Variants in ARHGAP36 observed in about 807,000 individuals in gnomAD.
ARHGAP36 encodes Rho GTPase activating protein 36, also known as rho GTPase-activating protein 36.
Under a neutral mutation model 32.9 loss-of-function variants are expected in ARHGAP36, and 7 were observed. The ratio of observed to expected loss-of-function variants is 0.21; its 90% CI spans 0.12 to 0.40. ARHGAP36 has a LOEUF of 0.40. ARHGAP36 is among the 10% of genes least tolerant of loss of function. ARHGAP36 has a pLI of 1.00. For synonymous variants in ARHGAP36, 165 were observed against 168.3 expected, an observed-to-expected ratio of 0.98 and a Z score of 0.15; for missense variants, 383 against 442.2, an observed-to-expected ratio of 0.87 and a Z score of 1.20.
chrX:131,059,078 C>T (rs1005015054), intron 1 of ARHGAP36, among the ~76,000 whole-genome samples: 1 of 111,702 alleles, frequency 9.0e-6, no homozygotes, highest in African/African-American at 3.3e-5. Flanking sequence ...GGTCTTTAGT[C>T]GGGTTCTTTC....
chrX:131,084,141 A>G, intron 4 of ARHGAP36, 74 bp from the exon 5 acceptor site: 1 of 1,074,130 alleles, frequency 9.3e-7, no homozygotes, highest in Non-Finnish European at 1.3e-6. Context: ...TGAATGTCAT[A>G]CATACAGTAC....
chrX:131,089,062 T>TTC lies in ARHGAP36; in HGVS notation c.*289_*290dup, dbSNP rs1225981171. On this transcript the variant is annotated 3_prime_UTR_variant, in exon 12 of 12. Transcript: ENST00000276211. ...TTCTCTTTTACCCCTGATCTTGGCT[T>TTC]TCTCTCTCTCTCTGCAGACTTTCCT... The TTC allele has an allele frequency of 7.3e-5, 20 of 273,516 alleles. No homozygotes were observed. Among genetic ancestry groups the TTC allele is most frequent in the Non-Finnish European group, 8.3e-5 (13 of 157,065 alleles). 22.5% of individuals were successfully genotyped at this position (273,516 alleles called of 1,213,427 possible).
intron 1 of ARHGAP36, among the ~76,000 whole-genome samples, chrX:131,065,157 G>T (rs1409404037): frequency 9.0e-6 from 1 of 110,797 alleles, no homozygotes; most frequent in East Asian, 2.8e-4. Context: ...ATGGGTGGGG[G>T]GCATTAGAGA....
At position 131,088,982 on chromosome X, in the gene ARHGAP36, G is replaced by T; in HGVS notation, c.*197G>T. The T allele has an allele frequency of 5.7e-6, 3 of 528,653 alleles. No individual in the cohort carries two copies. Among genetic ancestry groups the T allele is most frequent in the Non-Finnish European group, 5.6e-6 (2 of 355,849 alleles). The allele number at this position is 528,653 out of a possible 1,213,427, so 43.6% of individuals were successfully genotyped here. The stretch of plus-strand genomic sequence containing the variant: ...TGGGGATGCTTGGTCTCTTCTGCTG[G>T]TAAAAGCAGAGATGTTTCTGTGTCA... On this transcript the variant is annotated 3_prime_UTR_variant, in exon 12 of 12. Transcript: ENST00000276211.
At chrX:131,084,175 C>T (rs1476392401) in intron 4 of ARHGAP36, 40 bp from the exon 5 acceptor site, 3 of 1,157,840 alleles carry the variant, frequency 2.6e-6, no homozygotes, top group Non-Finnish European at 1.2e-6. Context: ...AATTGACTCT[C>T]TTTATTTCCC....
At chrX:131,080,026 C>T (rs142782612) in intron 1 of ARHGAP36, among the ~76,000 whole-genome samples, 404 of 111,691 alleles carry the variant, frequency 3.6e-3, no homozygotes, top group African/African-American at 0.013. Flanking sequence ...TTTTTCATGG[C>T]TTTCTGTGAT....
chrX:131,070,602 C>T (rs1002487866), intron 1 of ARHGAP36, among the ~76,000 whole-genome samples: 2 of 111,640 alleles, frequency 1.8e-5, no homozygotes, highest in Non-Finnish European at 3.8e-5. Context: ...ATTTTCCCCT[C>T]TCTGGGCTTC....
intron 1 of ARHGAP36, among the ~76,000 whole-genome samples, chrX:131,063,574 TGAA>T (rs914329284): frequency 9.9e-5 from 11 of 111,174 alleles, no homozygotes; most frequent in African/African-American, 3.6e-4. Context: ...ATAGAAGGGA[TGAA>T]GGAGAGGGAG....
intron 1 of ARHGAP36, among the ~76,000 whole-genome samples, chrX:131,074,824 G>A (rs2079752813): frequency 9.0e-6 from 1 of 111,575 alleles, no homozygotes; most frequent in Admixed American, 9.5e-5. Flanking sequence ...CTTCCATACT[G>A]TGCCAAGGAA....
intron 11 of ARHGAP36, 113 bp from the exon 12 acceptor site, chrX:131,088,515 C>T: frequency 1.4e-6 from 1 of 730,573 alleles, no homozygotes; most frequent in Non-Finnish European, 2.0e-6. Flanking sequence ...CCCTGTCCTA[C>T]CTTCTTGCCT....
At chrX:131,061,199 AT>A (rs67823962) in intron 1 of ARHGAP36, among the ~76,000 whole-genome samples, 3,289 of 102,166 alleles carry the variant, frequency 0.032, 69 homozygotes, top group Admixed American at 0.094. Context: ...GATGTTTGCT[AT>A]TTTTTTTTTT....
intron 1 of ARHGAP36, among the ~76,000 whole-genome samples, chrX:131,077,867 C>A (rs1254287053): frequency 1.9e-5 from 2 of 105,800 alleles, no homozygotes; most frequent in Non-Finnish European, 3.8e-5. Flanking sequence ...GACATACAGG[C>A]ACTTTATTAA....
chrX:131,085,868 C>T, intron 8 of ARHGAP36, 45 bp from the exon 9 acceptor site: 1 of 1,194,418 alleles, frequency 8.4e-7, no homozygotes, highest in Non-Finnish European at 1.1e-6. Flanking sequence ...GTACAACTCC[C>T]AGTACTACCT....
intron 2 of ARHGAP36, among the ~76,000 whole-genome samples, chrX:131,082,356 A>G (rs759219374): frequency 8.9e-6 from 1 of 112,285 alleles, no homozygotes; most frequent in Non-Finnish European, 1.9e-5. Context: ...TGAGAGAGAG[A>G]CGCTCCTAGC....
chrX:131,058,369 G>C lies in ARHGAP36; in HGVS notation c.-218G>C. 8.9e-7 allele frequency: 1 copy of C among 1,127,027 alleles called. No individual in the cohort carries two copies. Among genetic ancestry groups the C allele is most frequent in the Non-Finnish European group, 1.2e-6 (1 of 853,640 alleles). 92.9% of individuals were successfully genotyped at this position (1,127,027 alleles called of 1,213,427 possible). ...ACGCAAAGGTTAACTGCGAGCTGCC[G>C]GGCACTCAGCGCGGGTCATGGCGTG... is the stretch of plus-strand genomic sequence containing the variant. On this transcript the variant is annotated 5_prime_UTR_variant, in exon 1 of 12. Transcript: ENST00000276211.
intron 1 of ARHGAP36, among the ~76,000 whole-genome samples, chrX:131,067,569 C>T (rs1470875299): frequency 8.9e-6 from 1 of 112,450 alleles, no homozygotes; most frequent in East Asian, 2.8e-4. Flanking sequence ...CCCAGCCCAA[C>T]GTCCCACTCG....
intron 1 of ARHGAP36, among the ~76,000 whole-genome samples, chrX:131,080,296 C>A (rs1369945407): frequency 9.0e-6 from 1 of 111,134 alleles, no homozygotes; most frequent in African/African-American, 3.3e-5. Context: ...TTTCTCCTTT[C>A]TGCTCTCACA....
intron 1 of ARHGAP36, among the ~76,000 whole-genome samples, chrX:131,062,665 T>C (rs2079675708): frequency 8.9e-6 from 1 of 112,163 alleles, no homozygotes; most frequent in African/African-American, 3.2e-5. Context: ...ATTACTGCTG[T>C]TGTAGATGTC....
Position 131,085,629 on chromosome X carries a change from G to T in ARHGAP36, c.997G>T (p.Val333Phe). 8.3e-7 allele frequency: 1 copy of T among 1,211,509 alleles called. No homozygotes were observed. The highest frequency in any genetic ancestry group is 1.1e-6 in the Non-Finnish European group (1 of 895,495). Reference sequence around the variant, plus strand: ...TCAGCTTTCTGCCCTGCAGTTGCTGGTCTACCTGATGCCACCCTGCCACAG... The same window carrying T: ...TCAGCTTTCTGCCCTGCAGTTGCTGTTCTACCTGATGCCACCCTGCCACAG... ...QDQLSALQLL[V>F]YLMPPCHSDT... Residue 333 changes from valine (V) to phenylalanine (F), a missense_variant, in exon 8 of 12, where the codon GTC becomes TTC. By Grantham distance (50) the Val-to-Phe change is conservative. Transcript: ENST00000276211.
Sources: allele counts gnomAD v4.1 joint callset (sites outside exome capture counted in the v4.1 genomes callset), GRCh38; gene constraint gnomAD v4.1.1; transcripts MANE v1.5; gene names NCBI Gene and HGNC (gene_info 2026-07-23, HGNC 2026-07-21).